Variants in PODXL observed in about 807,000 individuals in gnomAD.
PODXL encodes podocalyxin.
PODXL carries 20 observed loss-of-function variants against 48.9 expected under a neutral mutation model. The observed-to-expected ratio is 0.41, with a 90% CI of 0.29 to 0.59. The LOEUF is 0.59. PODXL is among the 20% of genes least tolerant of loss of function. The probability of loss-of-function intolerance (pLI) is 0.31; values close to 1 mark genes in which losing one functional copy is unlikely to be tolerated. For missense variants in PODXL, 606 were observed against 675.1 expected (o/e 0.90, Z 1.13); for synonymous variants, 295 against 287.4 (o/e 1.03, Z -0.27).
intron 3 of PODXL, among the ~76,000 whole-genome samples, chr7:131,510,016 C>G (rs184774357): frequency 6.6e-6 from 1 of 152,162 alleles, no homozygotes; most frequent in Non-Finnish European, 1.5e-5. Context: ...TCCTGTGGAG[C>G]GGTGGCCTGC....
chr7:131,531,801 G>A lies in PODXL; in HGVS notation c.101-20368C>T, dbSNP rs143045264. ...CAGTTATTATCTGTAAAGACCCTTT[G>A]TCCACATAAGTTAATAATCACACAT... On this transcript the variant is annotated intron_variant, in intron 1 of 8. Coordinates refer to ENST00000378555, the MANE Select transcript of PODXL (RefSeq NM_001018111.3). Among the ~76,000 whole-genome samples the A allele has an allele frequency of 2.5e-3, 383 of 152,288 alleles. 2 individuals are homozygous for A. The highest frequency in any genetic ancestry group is 9.1e-3 in the African/African-American group (377 of 41,558).
At chr7:131,506,946 G>GC in intron 5 of PODXL, 1 of 584,970 alleles carries the variant, frequency 1.7e-6, no homozygotes, top group South Asian at 2.0e-5. Context: ...GTTCCCATCA[G>GC]CCCGTTCTCC....
chr7:131,535,409 G>C (rs927202801), intron 1 of PODXL, among the ~76,000 whole-genome samples: 13 of 152,182 alleles, frequency 8.5e-5, no homozygotes, highest in African/African-American at 3.1e-4. Context: ...CAAGTAAACA[G>C]GTCAGTTTGG....
At chr7:131,516,965 C>G (rs1798007298) in intron 1 of PODXL, among the ~76,000 whole-genome samples, 1 of 152,170 alleles carries the variant, frequency 6.6e-6, no homozygotes, top group African/African-American at 2.4e-5. Flanking sequence ...AGTGATCCTT[C>G]TACCTCAGCC....
chr7:131,536,512 G>A (rs1019269062), intron 1 of PODXL, among the ~76,000 whole-genome samples: 4 of 152,132 alleles, frequency 2.6e-5, no homozygotes, highest in Non-Finnish European at 5.9e-5. Context: ...TTACACCCTC[G>A]GGCCAGCAGC....
Position 131,511,283 on chromosome 7 carries a change from C to G in PODXL, c.251G>C (p.Gly84Ala). 6.2e-7 allele frequency: 1 copy of G among 1,614,012 alleles called. No homozygotes were observed. The highest frequency in any genetic ancestry group is 8.5e-7 in the Non-Finnish European group (1 of 1,179,988). ...ILASVKATTL[G>A]VSSDSPGTTT... ...AGTCCCCGGTGAGTCACTGGATACA[C>G]CAAGGGTGGTCGCCTTGACCGAGGC... Residue 84 changes from glycine (G) to alanine (A), a missense_variant, in exon 2 of 9, where the codon GGT (glycine) becomes GCT (alanine). Coordinates refer to ENST00000378555, the MANE Select transcript of PODXL (RefSeq NM_001018111.3).
intron 1 of PODXL, among the ~76,000 whole-genome samples, chr7:131,537,500 C>A (rs1013619918): frequency 2.6e-5 from 4 of 152,164 alleles, no homozygotes; most frequent in African/African-American, 9.6e-5. Context: ...GGCAGGAGAA[C>A]TGCTTGAACC....
chr7:131,509,781 CACTTA>C (rs1797878337), intron 3 of PODXL, among the ~76,000 whole-genome samples, 196 bp from the exon 4 acceptor site: 2 of 152,236 alleles, frequency 1.3e-5, no homozygotes, highest in East Asian at 1.9e-4. Flanking sequence ...GTTCACTGAG[CACTTA>C]ACTTTGTGCA....
chr7:131,508,957 G>A lies in PODXL; in HGVS notation c.1095C>T (p.Thr365=), dbSNP rs749611584. ...KQLVLNLTGN[T]LCAGGASDEK... Reference sequence around the variant, plus strand: ...AGATCAGCAAGCTACTCACACAGAGGGTGTTTCCTGTGAGGTTCAGGACGA... The same window carrying A: ...AGATCAGCAAGCTACTCACACAGAGAGTGTTTCCTGTGAGGTTCAGGACGA... Residue 365 remains threonine (T), a synonymous_variant, in exon 5 of 9, where the codon ACC becomes ACT. Transcript: ENST00000378555. The A allele has an allele frequency of 2.5e-6, 4 of 1,611,190 alleles. No individual in the cohort carries two copies. The highest frequency in any genetic ancestry group is 3.4e-6 in the Non-Finnish European group (4 of 1,177,354).
chr7:131,541,458 C>T (rs1474121200), intron 1 of PODXL, among the ~76,000 whole-genome samples: 1 of 151,960 alleles, frequency 6.6e-6, no homozygotes, highest in East Asian at 1.9e-4. Flanking sequence ...GAGGCCGAGG[C>T]GGGTGGATCA....
chr7:131,511,547 G>A, intron 1 of PODXL, 114 bp from the exon 2 acceptor site: 1 of 1,049,734 alleles, frequency 9.5e-7, no homozygotes, highest in Non-Finnish European at 1.4e-6. Flanking sequence ...TGTCTGCCTT[G>A]CTAAAGGCCT....
Position 131,551,923 on chromosome 7 carries a change from C to T in PODXL, c.100+4337G>A, listed in dbSNP as rs563230928. On this transcript the variant is annotated intron_variant, in intron 1 of 8. Coordinates refer to ENST00000378555, the MANE Select transcript of PODXL (RefSeq NM_001018111.3). The stretch of plus-strand genomic sequence containing the variant: ...CTGCAGTCCAGCCTGGGTGACAGAA[C>T]GAGACTCCATCTCAAAAAAAAAAAA... 3.0e-4 allele frequency among the ~76,000 whole-genome samples: 40 copies of T among 135,528 alleles called. No homozygotes were observed. The South Asian group carries it at 3.7e-3, about 12-fold the overall frequency. The allele number at this position is 135,528 out of a possible 152,430, so 88.9% of individuals were successfully genotyped here.
chr7:131,523,991 G>T (rs1337507158), intron 1 of PODXL, among the ~76,000 whole-genome samples: 1 of 151,890 alleles, frequency 6.6e-6, no homozygotes, highest in Non-Finnish European at 1.5e-5. Flanking sequence ...TAGAGACGGG[G>T]TTTCACTGTG....
At position 131,500,990 on chromosome 7, in the gene PODXL, A is replaced by G. The variant is rs912340742; in HGVS notation, c.*3321T>C. ...GAAAAAGATTGGACTAGATCTTGAA[A>G]TACCTTTCTCCATGACTACAGGGTT... is the stretch of plus-strand genomic sequence containing the variant. On this transcript the variant is annotated 3_prime_UTR_variant, in exon 9 of 9. Transcript: ENST00000378555. The G allele has an allele frequency of 6.6e-6, 1 of 152,174 alleles. No individual in the cohort carries two copies. The highest frequency in any genetic ancestry group is 2.4e-5 in the African/African-American group (1 of 41,428). 9.4% of individuals were successfully genotyped at this position (152,174 alleles called of 1,614,324 possible). A position where few individuals can be genotyped will look rare whatever the true frequency, so the allele number is the denominator to read the frequency against.
At chr7:131,554,988 C>CGG (rs1798721526) in intron 1 of PODXL, among the ~76,000 whole-genome samples, 1 of 152,190 alleles carries the variant, frequency 6.6e-6, no homozygotes, top group East Asian at 1.9e-4. Flanking sequence ...TTCCCCCCGC[C>CGG]GGGACCTTCC....
chr7:131,529,518 G>A (rs1274854234), intron 1 of PODXL, among the ~76,000 whole-genome samples: 3 of 152,082 alleles, frequency 2.0e-5, no homozygotes, highest in Non-Finnish European at 4.4e-5. Flanking sequence ...AGGCCAGGGA[G>A]GAGGTGGGAT....
intron 1 of PODXL, among the ~76,000 whole-genome samples, chr7:131,514,042 G>A (rs569280682): frequency 1.0e-3 from 157 of 152,328 alleles, no homozygotes; most frequent in South Asian, 2.7e-3. Context: ...CTAATCTAGA[G>A]TGAAGTGCCC....
intron 1 of PODXL, among the ~76,000 whole-genome samples, chr7:131,545,796 A>G (rs950591947): frequency 2.0e-5 from 3 of 152,262 alleles, no homozygotes; most frequent in Admixed American, 2.0e-4. Context: ...TATTCATTTT[A>G]TTAAATATTC....
intron 1 of PODXL, among the ~76,000 whole-genome samples, chr7:131,537,985 C>T (rs1028795595): frequency 5.9e-5 from 9 of 152,306 alleles, no homozygotes; most frequent in African/African-American, 9.6e-5. Flanking sequence ...GGCATTTGGG[C>T]GGCTTCCAGT....
Sources: gnomAD v4.1 joint callset for allele counts (sites outside exome capture counted in the v4.1 genomes callset) on GRCh38, gnomAD v4.1.1 for gene constraint, MANE v1.5 for transcripts, NCBI Gene and HGNC (gene_info 2026-07-23, HGNC 2026-07-21) for gene names.